The following TANGO2 variants were observed in gnomAD, a reference collection of about 807,000 sequenced individuals.
The protein encoded by TANGO2 is transport and Golgi organization protein 2 homolog.
TANGO2 carries 26 observed loss-of-function variants against 39.1 expected under a neutral mutation model. The observed-to-expected ratio is 0.67, with a 90% CI of 0.49 to 0.92. The LOEUF is 0.92. Among genes scored for constraint, TANGO2 ranks in the 40% least tolerant of loss-of-function variants. The pLI is 0.00. For synonymous variants in TANGO2, 131 were observed against 144.5 expected (o/e 0.91, Z 0.67); for missense variants, 326 against 360.1 (o/e 0.91, Z 0.77).
intron 1 of TANGO2, 130 bp from the exon 2 acceptor site, chr22:20,036,630 G>T: frequency 1.3e-6 from 1 of 769,424 alleles, no homozygotes; most frequent in Non-Finnish European, 2.2e-6. Flanking sequence ...GTGGTGTCCA[G>T]TTCCCCCACA....
chr22:20,018,467 C>G (rs1201901015), upstream of TANGO2, among the ~76,000 whole-genome samples: 1 of 152,172 alleles, frequency 6.6e-6, no homozygotes, highest in Non-Finnish European at 1.5e-5. Context: ...GCCATTGGAC[C>G]CTGGTTCTGC....
chr22:20,038,233 AG>A (rs2043225232), intron 2 of TANGO2, among the ~76,000 whole-genome samples: 1 of 152,212 alleles, frequency 6.6e-6, no homozygotes, highest in African/African-American at 2.4e-5. Context: ...AAAAGGAGCC[AG>A]CCCTGCTGAC....
At chr22:20,038,680 G>T (rs1475901680) in intron 2 of TANGO2, among the ~76,000 whole-genome samples, 3 of 152,206 alleles carry the variant, frequency 2.0e-5, no homozygotes, top group African/African-American at 7.2e-5. Flanking sequence ...CTGAGCAAAT[G>T]TGCGCTGTGT....
At chr22:20,034,683 G>A (rs1341959505) in intron 1 of TANGO2, among the ~76,000 whole-genome samples, 1 of 152,144 alleles carries the variant, frequency 6.6e-6, no homozygotes, top group Non-Finnish European at 1.5e-5. Flanking sequence ...TCGCTCTTTG[G>A]AGTCCCAGCC....
upstream of TANGO2, chr22:20,017,185 G>A (rs1031086100): frequency 3.3e-5 from 5 of 152,342 alleles, no homozygotes; most frequent in Non-Finnish European, 5.9e-5. Context: ...ACCACTCCCA[G>A]TTCACAGGTA....
At chr22:20,056,860 C>T (rs1461305576) in intron 6 of TANGO2, 5 of 456,558 alleles carry the variant, frequency 1.1e-5, no homozygotes, top group Admixed American at 2.3e-5. Flanking sequence ...CTGGTGGCAT[C>T]GTGGAACTCT....
intron 6 of TANGO2, chr22:20,056,762 G>C: frequency 2.2e-6 from 1 of 456,268 alleles, no homozygotes; most frequent in Non-Finnish European, 4.4e-6. Context: ...ATTTCCCCTG[G>C]GTGCACAAAA....
upstream of TANGO2, among the ~76,000 whole-genome samples, chr22:20,018,476 G>T (rs568752073): frequency 3.4e-4 from 52 of 152,292 alleles, no homozygotes; most frequent in African/African-American, 1.2e-3. Context: ...CCCTGGTTCT[G>T]CTGGAGCCCC....
chr22:20,041,875 C>T (rs915392670), intron 2 of TANGO2, among the ~76,000 whole-genome samples: 1 of 147,704 alleles, frequency 6.8e-6, no homozygotes, highest in African/African-American at 2.4e-5. Context: ...TTGTCGGGCT[C>T]TCACCACTGC....
chr22:20,051,294 C>T (rs1368698307), intron 3 of TANGO2, among the ~76,000 whole-genome samples: 5 of 148,484 alleles, frequency 3.4e-5, no homozygotes, highest in Non-Finnish European at 6.0e-5. Flanking sequence ...CACTTTGGGA[C>T]GCCAAGGCGG....
intron 6 of TANGO2, among the ~76,000 whole-genome samples, chr22:20,060,037 T>C (rs1441438063): frequency 6.6e-6 from 1 of 151,766 alleles, no homozygotes; most frequent in Non-Finnish European, 1.5e-5. Context: ...CCCACTGCAC[T>C]GTCAACCTCC....
rs775467764 is a variant in TANGO2, at chr22:20,053,491, A to C, written c.320A>C (p.Lys107Thr). The C allele has an allele frequency of 1.2e-6, 2 of 1,613,904 alleles. No homozygotes were observed. Among genetic ancestry groups the C allele is most frequent in the Non-Finnish European group, 8.5e-7 (1 of 1,179,904 alleles). ...GACGTGGACAGCTTGTCCTACCTGA[A>C]GAAGGTCTCTATGGAGGGCCATCTG... ...TTDVDSLSYLKKVSMEGHLYN... is the reference protein window; with the variant it reads ...TTDVDSLSYLTKVSMEGHLYN... The change falls in exon 5 of 9, where the codon AAG (lysine) becomes ACG (threonine). Residue 107 changes from lysine to threonine, a missense_variant. Coordinates refer to ENST00000327374, the MANE Select transcript of TANGO2 (RefSeq NM_152906.7).
rs759806501 is a variant in TANGO2, at chr22:20,052,548, C to T, written c.229C>T (p.Leu77=). 3 of 1,598,332 alleles carry T rather than the reference C, an allele frequency of 1.9e-6. No homozygotes were observed. The highest frequency in any genetic ancestry group is 2.6e-6 in the Non-Finnish European group (3 of 1,172,788). ...RGKLAALTNY[L]QPQLDWQARG... is the part of the protein sequence containing the mutation. ...CAAGCTGGCAGCACTCACCAACTAC[C>T]TGCAGCCGCAGCTGGACTGGCAGGC... Residue 77 remains leucine (L), a synonymous_variant, in exon 4 of 9, where the codon CTG becomes TTG. Coordinates refer to ENST00000327374, the MANE Select transcript of TANGO2 (RefSeq NM_152906.7).
intron 1 of TANGO2, among the ~76,000 whole-genome samples, chr22:20,022,707 C>A (rs912156136): frequency 6.6e-6 from 1 of 152,228 alleles, no homozygotes; most frequent in Admixed American, 6.5e-5. Flanking sequence ...CGCCAGACGG[C>A]GAACTTGGAG....
In TANGO2 at chr22:20,065,850, G is replaced by C. The variant is rs2049135999; in HGVS notation, c.*1188G>C. 6.6e-6 allele frequency: 1 copy of C among 152,286 alleles called. No homozygotes were observed. Among genetic ancestry groups the C allele is most frequent in the African/African-American group, 2.4e-5 (1 of 41,444 alleles). 9.4% of individuals were successfully genotyped at this position (152,286 alleles called of 1,614,324 possible). A position where few individuals can be genotyped will look rare whatever the true frequency, so the allele number is the denominator to read the frequency against. On this transcript the variant is annotated 3_prime_UTR_variant, in exon 9 of 9. Transcript: ENST00000327374. ...CCCTGCTCTCTCCCTCTTCCCTCCA[G>C]GTGAGGCAAACTTCATAGGAATCTG... is the stretch of plus-strand genomic sequence containing the variant.
At chr22:20,058,162 A>T (rs2047710484) in intron 6 of TANGO2, 1 of 151,948 alleles carries the variant, frequency 6.6e-6, no homozygotes, top group Non-Finnish European at 1.5e-5. Context: ...ATTCCAGGAC[A>T]TTTCTTGATC....
chr22:20,065,715 G>A lies in TANGO2; in HGVS notation c.*1053G>A, dbSNP rs944374650. On this transcript the variant is annotated 3_prime_UTR_variant, in exon 9 of 9. Coordinates refer to ENST00000327374, the MANE Select transcript of TANGO2 (RefSeq NM_152906.7). Reference sequence around the variant, plus strand: ...CCCTTGAGTGTGCCAGAGGTCCTCTGTGTTTGAGACAATCCTGTGTGTGCC... The same window carrying A: ...CCCTTGAGTGTGCCAGAGGTCCTCTATGTTTGAGACAATCCTGTGTGTGCC... The A allele has an allele frequency of 2.0e-5, 3 of 152,248 alleles. No individual in the cohort carries two copies. The highest frequency in any genetic ancestry group is 7.2e-5 in the African/African-American group (3 of 41,430). 9.4% of individuals were successfully genotyped at this position (152,248 alleles called of 1,614,324 possible).
intron 1 of TANGO2, among the ~76,000 whole-genome samples, chr22:20,031,967 C>T (rs572098118): frequency 1.3e-5 from 2 of 152,232 alleles, no homozygotes; most frequent in Non-Finnish European, 2.9e-5. Context: ...TTCTTCACCT[C>T]TAGCCCAACC....
At chr22:20,023,904 C>A (rs1016288591) in intron 1 of TANGO2, among the ~76,000 whole-genome samples, 57 of 145,054 alleles carry the variant, frequency 3.9e-4, no homozygotes, top group Non-Finnish European at 7.9e-4. Flanking sequence ...CATTTAGGCC[C>A]GGCACGGTGG....
Sources: allele counts gnomAD v4.1 joint callset (sites outside exome capture counted in the v4.1 genomes callset), GRCh38; gene constraint gnomAD v4.1.1; transcripts MANE v1.5; gene names NCBI Gene and HGNC (gene_info 2026-07-23, HGNC 2026-07-21).